The following TMEM161B variants were observed in gnomAD, a reference collection of about 807,000 sequenced individuals.
TMEM161B encodes the protein transmembrane protein 161B.
A neutral mutation model predicts 61.8 loss-of-function variants in TMEM161B; 34 were observed. The observed-to-expected ratio is 0.55, with a 90% CI of 0.42 to 0.73. The LOEUF is 0.73. Ranked by LOEUF, TMEM161B falls within the 30% of genes least tolerant of loss-of-function variation. The probability of loss-of-function intolerance (pLI) is 0.00; values close to 1 mark genes in which losing one functional copy is unlikely to be tolerated. For missense variants in TMEM161B, 456 were observed against 558.5 expected (o/e 0.82, Z 1.85); for synonymous variants, 167 against 192.8 (o/e 0.87, Z 1.11).
At chr5:88,188,066 T>C (rs1748463591), downstream of TMEM161B, among the ~76,000 whole-genome samples, 1 of 152,188 alleles carries the variant, frequency 6.6e-6, no homozygotes, top group South Asian at 2.1e-4. Flanking sequence ...TCTAGCTTAA[T>C]TCCATGGTGG....
intron 5 of TMEM161B, among the ~76,000 whole-genome samples, 195 bp from the exon 6 acceptor site, chr5:88,207,375 A>C (rs1745718204): frequency 1.3e-5 from 2 of 152,168 alleles, no homozygotes; most frequent in African/African-American, 4.8e-5. Context: ...AGTTTATCTC[A>C]CTCAAATTTT....
chr5:88,243,595 C>T (rs958964341), intron 1 of TMEM161B, among the ~76,000 whole-genome samples: 2 of 151,774 alleles, frequency 1.3e-5, no homozygotes, highest in Admixed American at 1.3e-4. Flanking sequence ...GATTTATAGT[C>T]CTTCGAATGT....
At chr5:88,218,281 G>A (rs1748279672) in intron 5 of TMEM161B, among the ~76,000 whole-genome samples, 1 of 152,124 alleles carries the variant, frequency 6.6e-6, no homozygotes, top group Non-Finnish European at 1.5e-5. Flanking sequence ...GAGATTCGGT[G>A]TGTCCAGAGT....
At chr5:88,226,846 A>G (rs1372406851) in intron 3 of TMEM161B, among the ~76,000 whole-genome samples, 4 of 152,182 alleles carry the variant, frequency 2.6e-5, no homozygotes, top group African/African-American at 9.7e-5. Flanking sequence ...GCCAGGTGCA[A>G]TGGCTCGCAC....
intron 5 of TMEM161B, among the ~76,000 whole-genome samples, chr5:88,212,937 C>T (rs1747101767): frequency 6.6e-6 from 1 of 152,180 alleles, no homozygotes; most frequent in African/African-American, 2.4e-5. Context: ...TCTCAAAAAA[C>T]TTTCACAAAT....
At chr5:88,235,244 TTAGAAATTTAA>T (rs1185383138) in intron 2 of TMEM161B, among the ~76,000 whole-genome samples, 1 of 152,206 alleles carries the variant, frequency 6.6e-6, no homozygotes, top group Admixed American at 6.5e-5. Flanking sequence ...AATAAAACTT[TTAGAAATTTAA>T]AATAGAAACC....
intron 5 of TMEM161B, among the ~76,000 whole-genome samples, chr5:88,218,741 G>A (rs1392125229): frequency 6.6e-6 from 1 of 152,158 alleles, no homozygotes; most frequent in South Asian, 2.1e-4. Flanking sequence ...GTTCTTAAGA[G>A]TAAGAATGGA....
chr5:88,226,853 G>A (rs773015756), intron 3 of TMEM161B, among the ~76,000 whole-genome samples: 2 of 152,098 alleles, frequency 1.3e-5, no homozygotes, highest in Non-Finnish European at 2.9e-5. Context: ...GCAATGGCTC[G>A]CACCTGTAAT....
At chr5:88,260,240 T>C (rs1209260859) in intron 1 of TMEM161B, among the ~76,000 whole-genome samples, 1 of 152,246 alleles carries the variant, frequency 6.6e-6, no homozygotes, top group Non-Finnish European at 1.5e-5. Flanking sequence ...CCTTTCTTTA[T>C]GAAACCCTTC....
chr5:88,234,672 T>C (rs1751557063), intron 2 of TMEM161B, among the ~76,000 whole-genome samples: 2 of 152,156 alleles, frequency 1.3e-5, no homozygotes, highest in Non-Finnish European at 2.9e-5. Context: ...CAGATACAGA[T>C]ATAAAAGTCA....
Position 88,236,668 on chromosome 5 carries a change from G to A in TMEM161B, c.107+4145C>T, listed in dbSNP as rs369762324. Among the ~76,000 whole-genome samples, 12 of 152,258 alleles carry A rather than the reference G, an allele frequency of 7.9e-5. 1 individual carries two copies. Among genetic ancestry groups the A allele is most frequent in the African/African-American group, 2.9e-4 (12 of 41,566 alleles). ...AAGGAAAGAGAAAGAGACAGTGTGA[G>A]GGCATTAGATTCTTAAACTCTACTT... On this transcript the variant is annotated intron_variant, in intron 2 of 11. Transcript: ENST00000296595.
At chr5:88,222,795 T>C (rs1199772899) in intron 4 of TMEM161B, among the ~76,000 whole-genome samples, 1 of 152,152 alleles carries the variant, frequency 6.6e-6, no homozygotes, top group Non-Finnish European at 1.5e-5. Flanking sequence ...AAATTATATA[T>C]ATTCTTGGCT....
In TMEM161B at chr5:88,199,009, C is replaced by T. The variant is rs200425900; in HGVS notation, c.1056G>A (p.Ala352=). ...QKCVDQMKKE[A]GRISTVELQK... ...GTAGCTCAACCGTGCTTATTCGCCC[C>T]GCTTCTTTCTTCATCTGATCCACAC... The change falls in exon 10 of 12, where the codon GCG becomes GCA. Residue 352 remains alanine, a synonymous_variant. Transcript: ENST00000296595. The T allele has an allele frequency of 1.5e-5, 24 of 1,612,816 alleles. No individual in the cohort carries two copies. The highest frequency in any genetic ancestry group is 1.2e-4 in the South Asian group (11 of 91,014).
chr5:88,214,693 C>T (rs923383312), intron 5 of TMEM161B, among the ~76,000 whole-genome samples: 2 of 152,332 alleles, frequency 1.3e-5, no homozygotes, highest in African/African-American at 4.8e-5. Flanking sequence ...GCAAGGGTTT[C>T]TTTACCTTTC....
chr5:88,246,835 A>G (rs1315603947), intron 1 of TMEM161B, among the ~76,000 whole-genome samples: 1 of 152,052 alleles, frequency 6.6e-6, no homozygotes, highest in Admixed American at 6.6e-5. Flanking sequence ...GAAAATACCA[A>G]GTCTATCATG....
At chr5:88,210,866 T>C (rs776072533) in intron 5 of TMEM161B, among the ~76,000 whole-genome samples, 14 of 152,162 alleles carry the variant, frequency 9.2e-5, no homozygotes, top group South Asian at 2.1e-4. Flanking sequence ...GGCCATCTCT[T>C]AAAAATGAAA....
chr5:88,249,024 C>T (rs1267629551), intron 1 of TMEM161B, among the ~76,000 whole-genome samples: 1 of 152,000 alleles, frequency 6.6e-6, no homozygotes, highest in Non-Finnish European at 1.5e-5. Context: ...TTACAAATGG[C>T]AAAAGTAGCA....
downstream of TMEM161B, among the ~76,000 whole-genome samples, chr5:88,192,090 A>G (rs1278834158): frequency 7.3e-6 from 1 of 136,110 alleles, no homozygotes; most frequent in Admixed American, 7.4e-5. Context: ...AAAACTATAG[A>G]CAGAAATGGG....
downstream of TMEM161B, among the ~76,000 whole-genome samples, chr5:88,186,599 A>C (rs1580261128): frequency 6.6e-6 from 1 of 152,068 alleles, no homozygotes; most frequent in Middle Eastern, 3.4e-3. Flanking sequence ...GATGAGCATA[A>C]GTTTTTAATT....
Sources: gnomAD v4.1 joint callset for allele counts (sites outside exome capture counted in the v4.1 genomes callset) on GRCh38, gnomAD v4.1.1 for gene constraint, MANE v1.5 for transcripts, NCBI Gene and HGNC (gene_info 2026-07-23, HGNC 2026-07-21) for gene names.